HDAC10: variants seen among roughly 807,000 people sequenced by gnomAD.
HDAC10 encodes the protein polyamine deacetylase HDAC10.
Under a neutral mutation model 82.3 loss-of-function variants are expected in HDAC10, and 90 were observed. The observed-to-expected ratio is 1.09, with a 90% CI of 0.92 to 1.30. The LOEUF (loss-of-function observed/expected upper bound fraction) is 1.30, where lower values mean the gene tolerates loss of function less well. HDAC10 is among the 50% of genes most tolerant of loss of function. HDAC10 has a pLI of 0.00. For missense variants in HDAC10, 934 were observed against 876.3 expected, an observed-to-expected ratio of 1.07 and a Z score of -0.83; for synonymous variants, 456 against 391.7, an observed-to-expected ratio of 1.16 and a Z score of -1.94.
At position 50,250,831 on chromosome 22, in the gene HDAC10, T is replaced by C; in HGVS notation, c.134A>G (p.Gln45Arg). 6.2e-6 allele frequency: 10 copies of C among 1,603,912 alleles called. No homozygotes were observed. Among genetic ancestry groups the C allele is most frequent in the Non-Finnish European group, 8.5e-6 (10 of 1,176,554 alleles). The change falls in exon 2 of 20, where the codon CAG becomes CGG. Residue 45 changes from glutamine to arginine, a missense_variant. By Grantham distance (43) the Gln-to-Arg change is conservative. Coordinates refer to ENST00000216271, the MANE Select transcript of HDAC10 (RefSeq NM_032019.6). ...LDRLRQRGLE[Q>R]RCLRLSAREA... Reference sequence around the variant, plus strand: ...GCGGGCTGACAACCGCAGACACCTCTGTTCCAGGCCGCGCTGCCGCAGGCG... The same window carrying C: ...GCGGGCTGACAACCGCAGACACCTCCGTTCCAGGCCGCGCTGCCGCAGGCG...
chr22:50,248,349 C>A lies in HDAC10; in HGVS notation c.1013+17G>T. On this transcript the variant is annotated intron_variant, in intron 11 of 19. Transcript: ENST00000216271. This position sits in a 1 kb window ranked among gnomAD's most constrained non-coding sequence, Gnocchi z 5.4. ...GGTCTCACACCCCGGCCCTGCCCGCCCTACCTCCCCTCGCACCTCTGACAT... is the reference window on the plus strand; with the variant it reads ...GGTCTCACACCCCGGCCCTGCCCGCACTACCTCCCCTCGCACCTCTGACAT... The A allele has an allele frequency of 6.2e-7, 1 of 1,611,358 alleles. No individual in the cohort carries two copies.
At chr22:50,246,845 A>G (rs1469888048) in intron 15 of HDAC10, 30 bp downstream of exon 15, 1 of 1,599,972 alleles carries the variant, frequency 6.3e-7, no homozygotes, top group Non-Finnish European at 8.6e-7. Context: ...TCCTGCCGTC[A>G]GAGGCTCAGG....
Position 50,251,092 on chromosome 22 carries a change from C to G in HDAC10, c.-60G>C. 2 of 1,530,826 alleles carry G rather than the reference C, an allele frequency of 1.3e-6. No individual in the cohort carries two copies. Among genetic ancestry groups the G allele is most frequent in the Non-Finnish European group, 1.8e-6 (2 of 1,122,208 alleles). 94.8% of individuals were successfully genotyped at this position (1,530,826 alleles called of 1,614,324 possible). A position where few individuals can be genotyped will look rare whatever the true frequency, so the allele number is the denominator to read the frequency against. ...CCTCGCTAGTGGTGCCTGCCACTGC[C>G]TGTCCCCACCTTCGGCCGGGAGCAG... On this transcript the variant is annotated 5_prime_UTR_variant, in exon 1 of 20. Coordinates refer to ENST00000216271, the MANE Select transcript of HDAC10 (RefSeq NM_032019.6).
At chr22:50,245,634 C>T in intron 19 of HDAC10, 41 bp downstream of exon 19, 1 of 1,611,884 alleles carries the variant, frequency 6.2e-7, no homozygotes, top group Non-Finnish European at 8.5e-7. Context: ...GCGGCAGAGC[C>T]AGGCCCCAGG....
In HDAC10 at chr22:50,248,790, C is replaced by G; in HGVS notation, c.817-39G>C. On this transcript the variant is annotated intron_variant, in intron 9 of 19. Coordinates refer to ENST00000216271, the MANE Select transcript of HDAC10 (RefSeq NM_032019.6). This position sits in a 1 kb window ranked among gnomAD's most constrained non-coding sequence, Gnocchi z 5.4. ...CATGTGTGATGGGGGACCTGGGCCC[C>G]AGGACCCCAGAAGCCCTCCCTGGCA... is the stretch of plus-strand genomic sequence containing the variant. 1.9e-6 allele frequency: 3 copies of G among 1,601,372 alleles called. No individual in the cohort carries two copies. The highest frequency in any genetic ancestry group is 2.6e-6 in the Non-Finnish European group (3 of 1,174,196).
At chr22:50,246,243 G>A in intron 17 of HDAC10, 55 bp downstream of exon 17, 3 of 1,549,270 alleles carry the variant, frequency 1.9e-6, no homozygotes, top group Non-Finnish European at 2.7e-6. Context: ...AACAGCAGCT[G>A]TACACATCCA....
chr22:50,246,164 T>G (rs980432096), intron 17 of HDAC10, 72 bp from the exon 18 acceptor site: 1 of 1,546,786 alleles, frequency 6.5e-7, no homozygotes, highest in African/African-American at 1.4e-5. Context: ...CCTCCCAATC[T>G]CAGGGCCCCT....
At position 50,249,542 on chromosome 22, in the gene HDAC10, A is replaced by G. The variant is rs2065035771; in HGVS notation, c.564-88T>C. ...CTGTAGAACGCTGACCCCTGAGCAC[A>G]TGTCTGTATCTCACCCCTGGATTTT... On this transcript the variant is annotated intron_variant, in intron 6 of 19. Transcript: ENST00000216271. The surrounding 1 kb of genome is among the most constrained non-coding windows in gnomAD (Gnocchi z 4.4). 1 of 1,531,868 alleles carries G rather than the reference A, an allele frequency of 6.5e-7. No individual in the cohort carries two copies. Among genetic ancestry groups the G allele is most frequent in the Non-Finnish European group, 8.8e-7 (1 of 1,130,254 alleles). The allele number at this position is 1,531,868 out of a possible 1,614,324, so 94.9% of individuals were successfully genotyped here. A position where few individuals can be genotyped will look rare whatever the true frequency, so the allele number is the denominator to read the frequency against.
In HDAC10 at chr22:50,249,889, T is replaced by G; in HGVS notation, c.465A>C (p.Ala155=). The G allele has an allele frequency of 1.2e-6, 2 of 1,612,872 alleles. No individual in the cohort carries two copies. The highest frequency in any genetic ancestry group is 1.7e-6 in the Non-Finnish European group (2 of 1,179,886). The change falls in exon 5 of 20, where the codon GCA becomes GCC. Residue 155 remains alanine (A), a synonymous_variant. Transcript: ENST00000216271. This position sits in a 1 kb window ranked among gnomAD's most constrained non-coding sequence, Gnocchi z 4.4. ...GTAGCCCGTGTTTCTGCTTGGCATG[T>G]GCAGCTGCTATGGCCACGTTGTTGA... ...CVFNNVAIAA[A]HAKQKHGLHR...
At position 50,246,886 on chromosome 22, in the gene HDAC10, G is replaced by A. The variant is rs372054124; in HGVS notation, c.1503C>T (p.His501=). The A allele has an allele frequency of 1.4e-4, 219 of 1,611,886 alleles. 1 individual carries two copies. In the East Asian group the frequency reaches 4.4e-3, roughly 33 times the overall value. Reference sequence around the variant, plus strand: ...CAAGTGAGGCTTACCTCTGGGCTCCGTGGGACAGGCCTCTCCGAACAGCCA... The same window carrying A: ...CAAGTGAGGCTTACCTCTGGGCTCCATGGGACAGGCCTCTCCGAACAGCCA... The part of the protein sequence containing the change: ...LDVAVRRGLS[H]GAQRLLCVAL... The change falls in exon 15 of 20, where the codon CAC becomes CAT. Residue 501 remains histidine, a synonymous_variant. Coordinates refer to ENST00000216271, the MANE Select transcript of HDAC10 (RefSeq NM_032019.6).
chr22:50,250,708 T>G (rs2065069279), intron 2 of HDAC10, 63 bp downstream of exon 2: 1 of 1,477,550 alleles, frequency 6.8e-7, no homozygotes, highest in African/African-American at 1.4e-5. Flanking sequence ...AGGCCCAGGT[T>G]CTTAGGTTTC....
Position 50,248,903 on chromosome 22 carries a change from C to T in HDAC10, c.757-13G>A, listed in dbSNP as rs778123124. ...GCTCAGGGTCAAACTACAGGCCAGG[C>T]CGGAGTGGGGAGGGTCGACAGAGAG... On this transcript the variant is annotated splice_polypyrimidine_tract_variant and intron_variant, in intron 8 of 19. Coordinates refer to ENST00000216271, the MANE Select transcript of HDAC10 (RefSeq NM_032019.6). This position sits in a 1 kb window ranked among gnomAD's most constrained non-coding sequence, Gnocchi z 5.4. The T allele has an allele frequency of 1.2e-6, 2 of 1,609,332 alleles. No individual in the cohort carries two copies. The highest frequency in any genetic ancestry group is 1.7e-6 in the Non-Finnish European group (2 of 1,178,472).
intron 3 of HDAC10, 45 bp downstream of exon 3, chr22:50,250,382 C>T (rs373781081): frequency 1.0e-4 from 161 of 1,563,416 alleles, no homozygotes; most frequent in Non-Finnish European, 1.3e-4. Context: ...CTCAAAGGCA[C>T]GTGCATGTGT....
intron 4 of HDAC10, 26 bp downstream of exon 4, chr22:50,250,037 C>G: frequency 6.2e-7 from 1 of 1,609,832 alleles, no homozygotes; most frequent in Non-Finnish European, 8.5e-7. Flanking sequence ...CACGGAGGAG[C>G]AGCCAGGGGA....
intron 3 of HDAC10, 133 bp downstream of exon 3, chr22:50,250,294 G>T: frequency 8.3e-7 from 1 of 1,208,366 alleles, no homozygotes; most frequent in Non-Finnish European, 1.2e-6. Flanking sequence ...GGCAGTGCCA[G>T]CAGGCAGGTG....
rs1262339510 is a variant in HDAC10 at position 50,250,904 on chromosome 22, G to C, written c.61C>G (p.Pro21Ala). The change falls in exon 2 of 20, where the codon CCC (proline) becomes GCC (alanine). Residue 21 changes from proline (P) to alanine (A), a missense_variant and splice_region_variant. Coordinates refer to ENST00000216271, the MANE Select transcript of HDAC10 (RefSeq NM_032019.6). The part of the protein sequence containing the change: ...MTATRLLWDD[P>A]ECEIERPERL... ...TCAGGACGCTCGATCTCGCACTCGG[G>C]GCTGGGGCAGATGAGGAGCTCAGTT... The C allele has an allele frequency of 6.2e-5, 99 of 1,603,610 alleles. No homozygotes were observed. The highest frequency in any genetic ancestry group is 7.7e-5 in the Non-Finnish European group (90 of 1,175,176).
intron 14 of HDAC10, chr22:50,247,266 G>A: frequency 2.9e-6 from 1 of 343,320 alleles, no homozygotes; most frequent in Non-Finnish European, 5.3e-6. Flanking sequence ...AGCCTCCTAA[G>A]TAACTACAGG....
intron 13 of HDAC10, 24 bp from the exon 14 acceptor site, chr22:50,247,800 C>T: frequency 6.2e-7 from 1 of 1,612,710 alleles, no homozygotes. Context: ...ACCAGAGGGA[C>T]ACACAGACAC....
chr22:50,251,021 C>T lies in HDAC10; in HGVS notation c.12G>A (p.Ala4=). The T allele has an allele frequency of 6.2e-7, 1 of 1,611,726 alleles. No homozygotes were observed. The highest frequency in any genetic ancestry group is 8.5e-7 in the Non-Finnish European group (1 of 1,179,142). The change falls in exon 1 of 20, where the codon GCG becomes GCA. Residue 4 remains alanine, a synonymous_variant. Coordinates refer to ENST00000216271, the MANE Select transcript of HDAC10 (RefSeq NM_032019.6). The part of the protein sequence containing the change: MGT[A]LVYHEDMTAT... ...CCGTCATGTCCTCATGGTACACAAG[C>T]GCGGTCCCCATGGCTGCGCCGTGGT...
Sources: allele counts gnomAD v4.1 joint callset, GRCh38; gene constraint gnomAD v4.1.1; non-coding constraint Gnocchi (gnomAD v3.1); transcripts MANE v1.5; gene names NCBI Gene and HGNC (gene_info 2026-07-23, HGNC 2026-07-21).